ASAP1: variants seen among roughly 807,000 people sequenced by gnomAD.
ASAP1 encodes the protein arf-GAP with SH3 domain, ANK repeat and PH domain-containing protein 1.
Under a neutral mutation model 145.2 loss-of-function variants are expected in ASAP1, and 43 were observed. The observed-to-expected ratio is 0.30, with a 90% confidence interval of 0.23 to 0.38. The LOEUF is 0.38. Ranked by LOEUF, ASAP1 falls within the 10% of genes least tolerant of loss-of-function variation. ASAP1 has a pLI of 1.00. For synonymous variants in ASAP1, 546 were observed against 515.5 expected, an observed-to-expected ratio of 1.06 and a Z score of -0.80; for missense variants, 1,018 against 1,355.3, an observed-to-expected ratio of 0.75 and a Z score of 3.91.
intron 9 of ASAP1, among the ~76,000 whole-genome samples, chr8:130,169,894 G>A (rs1813464043): frequency 6.6e-6 from 1 of 152,208 alleles, no homozygotes; most frequent in Non-Finnish European, 1.5e-5. Context: ...CTCTTTACCA[G>A]CAAGTGAAGA....
At chr8:130,372,648 T>C (rs1827264690) in intron 2 of ASAP1, among the ~76,000 whole-genome samples, 1 of 152,186 alleles carries the variant, frequency 6.6e-6, no homozygotes, top group South Asian at 2.1e-4. Flanking sequence ...GAAGAAAAGA[T>C]TTTTCCACAG....
chr8:130,333,625 C>CAA (rs551582692), intron 3 of ASAP1, among the ~76,000 whole-genome samples: 96 of 152,182 alleles, frequency 6.3e-4, no homozygotes, highest in African/African-American at 2.0e-3. Context: ...CAAAACAAAA[C>CAA]AAAAAACAAA....
At chr8:130,386,753 G>A (rs2138441071) in intron 2 of ASAP1, 1 of 152,302 alleles carries the variant, frequency 6.6e-6, no homozygotes, top group Admixed American at 6.5e-5. Context: ...AAGACTTAGG[G>A]AGCTCACTGC....
At chr8:130,108,779 T>G (rs1440094722) in intron 24 of ASAP1, among the ~76,000 whole-genome samples, 11 of 131,762 alleles carry the variant, frequency 8.3e-5, no homozygotes, top group Non-Finnish European at 1.3e-4. Flanking sequence ...TTTTTTTTTT[T>G]TTTTTTTTTT....
chr8:130,217,036 T>C (rs1204019971), intron 4 of ASAP1, among the ~76,000 whole-genome samples: 2 of 152,198 alleles, frequency 1.3e-5, no homozygotes, highest in African/African-American at 4.8e-5. Context: ...TCCCAATCCT[T>C]GCAGGGTTAC....
Position 130,126,099 on chromosome 8 carries a change from G to A in ASAP1, c.1382-10C>T. 7.5e-6 allele frequency: 12 copies of A among 1,597,558 alleles called. No individual in the cohort carries two copies. The highest frequency in any genetic ancestry group is 1.0e-5 in the Non-Finnish European group (12 of 1,174,908). ...GAAAGCCAGGTGGGTTCTGTGGAAA[G>A]AATGTTGAAGACAATGAAACAAAAA... On this transcript the variant is annotated splice_polypyrimidine_tract_variant and intron_variant, in intron 16 of 29. Transcript: ENST00000518721.
intron 2 of ASAP1, among the ~76,000 whole-genome samples, chr8:130,383,304 C>T (rs1435038637): frequency 6.6e-6 from 1 of 152,182 alleles, no homozygotes; most frequent in Admixed American, 6.5e-5. Context: ...AGCCAGTGAG[C>T]GTGGGTGCAT....
At position 130,344,128 on chromosome 8, in the gene ASAP1, A is replaced by G. The variant is rs555450474; in HGVS notation, c.186+13889T>C. On this transcript the variant is annotated intron_variant, in intron 3 of 29. Coordinates refer to ENST00000518721, the MANE Select transcript of ASAP1 (RefSeq NM_018482.4). The stretch of plus-strand genomic sequence containing the variant: ...GGTTGCAGTCAACACTATCCATACT[A>G]TGGGAAACTACGGGATAAACCACCA... 9.8e-5 allele frequency among the ~76,000 whole-genome samples: 15 copies of G among 152,344 alleles called. No individual in the cohort carries two copies. The East Asian group carries it at 2.9e-3, about 29-fold the overall frequency.
intron 24 of ASAP1, among the ~76,000 whole-genome samples, chr8:130,096,694 G>A (rs959088040): frequency 2.6e-5 from 4 of 152,206 alleles, no homozygotes; most frequent in Non-Finnish European, 4.4e-5. Flanking sequence ...CACATTCAAA[G>A]AAGCTGAATC....
intron 3 of ASAP1, among the ~76,000 whole-genome samples, chr8:130,263,886 C>G (rs896448927): frequency 1.3e-5 from 2 of 152,238 alleles, no homozygotes; most frequent in African/African-American, 4.8e-5. Flanking sequence ...AACCGAGGTT[C>G]AGAGCAGTTC....
intron 27 of ASAP1, among the ~76,000 whole-genome samples, chr8:130,061,636 G>T (rs769404432): frequency 6.6e-6 from 1 of 152,038 alleles, no homozygotes; most frequent in African/African-American, 2.4e-5. Flanking sequence ...GTAGCAAAAG[G>T]CTTCTTCTAC....
rs765480273 is a variant in ASAP1, at chr8:130,159,854, TCATA to T, written c.1010+6_1010+9del. 1.2e-6 allele frequency: 2 copies of T among 1,603,136 alleles called. No individual in the cohort carries two copies. Among genetic ancestry groups the T allele is most frequent in the Non-Finnish European group, 8.5e-7 (1 of 1,170,080 alleles). ...CACACACTGAGACACTGGGCTGGGC[TCATA>T]CATACCCGTCACTTTTCTTTAGCAG... On this transcript the variant is annotated splice_donor_region_variant and intron_variant, in intron 12 of 29. Coordinates refer to ENST00000518721, the MANE Select transcript of ASAP1 (RefSeq NM_018482.4).
At position 130,435,046 on chromosome 8, in the gene ASAP1, G is replaced by A. The variant is rs1039016495; in HGVS notation, c.-28+8414C>T. 1.2e-4 allele frequency among the ~76,000 whole-genome samples: 19 copies of A among 152,100 alleles called. 1 individual carries two copies. Among genetic ancestry groups the A allele is most frequent in the Admixed American group, 1.2e-3 (18 of 15,276 alleles). On this transcript the variant is annotated intron_variant, in intron 1 of 29. Coordinates refer to ENST00000518721, the MANE Select transcript of ASAP1 (RefSeq NM_018482.4). ...CTGCTGGAAGGCACGCTGTCCCATC[G>A]GCCTTGAAGACAAGACTGACCCCTT...
chr8:130,228,237 TC>T (rs574670583), intron 4 of ASAP1, among the ~76,000 whole-genome samples: 1 of 152,106 alleles, frequency 6.6e-6, no homozygotes, highest in Non-Finnish European at 1.5e-5. Context: ...GCATCCTAGC[TC>T]CTCACTGTAC....
At chr8:130,248,810 T>C (rs1320620833) in intron 3 of ASAP1, among the ~76,000 whole-genome samples, 2 of 152,314 alleles carry the variant, frequency 1.3e-5, no homozygotes, top group South Asian at 4.1e-4. Context: ...GTCTATTTAG[T>C]ACCACAGTGA....
At chr8:130,094,514 T>TAA (rs879317433) in intron 24 of ASAP1, among the ~76,000 whole-genome samples, 1 of 147,474 alleles carries the variant, frequency 6.8e-6, no homozygotes, top group Non-Finnish European at 1.5e-5. Flanking sequence ...AGTCTAAATT[T>TAA]AAAAAAAAAA....
intron 3 of ASAP1, among the ~76,000 whole-genome samples, chr8:130,319,797 C>G (rs1255350120): frequency 1.3e-5 from 2 of 152,144 alleles, no homozygotes; most frequent in African/African-American, 2.4e-5. Flanking sequence ...ACCCACACAA[C>G]AGAATATTAT....
chr8:130,184,072 G>C (rs1030773148), intron 7 of ASAP1, among the ~76,000 whole-genome samples: 3 of 152,096 alleles, frequency 2.0e-5, no homozygotes, highest in African/African-American at 7.2e-5. Context: ...GATTCACACA[G>C]AACTAAGCAA....
chr8:130,169,679 GA>G (rs1474440808), intron 9 of ASAP1, among the ~76,000 whole-genome samples: 2 of 152,186 alleles, frequency 1.3e-5, no homozygotes, highest in African/African-American at 4.8e-5. Context: ...AATATCTGTG[GA>G]GCATTTAGCA....
Sources: allele counts gnomAD v4.1 joint callset (sites outside exome capture counted in the v4.1 genomes callset), GRCh38; gene constraint gnomAD v4.1.1; transcripts MANE v1.5; gene names NCBI Gene and HGNC (gene_info 2026-07-23, HGNC 2026-07-21).